ZNF346: variants seen among roughly 807,000 people sequenced by gnomAD.
ZNF346 encodes double-stranded RNA-binding zinc finger protein JAZ.
A neutral mutation model predicts 33.7 loss-of-function variants in ZNF346; 23 were observed. The ratio of observed to expected loss-of-function variants is 0.68; its 90% CI spans 0.49 to 0.97. The LOEUF is 0.97. Among genes scored for constraint, ZNF346 ranks in the 50% least tolerant of loss-of-function variants. The probability of loss-of-function intolerance (pLI) is 0.00; values close to 1 mark genes in which losing one functional copy is unlikely to be tolerated. For synonymous variants in ZNF346, 134 were observed against 142.4 expected, an observed-to-expected ratio of 0.94 and a Z score of 0.42; for missense variants, 340 against 371.1, an observed-to-expected ratio of 0.92 and a Z score of 0.69.
intron 1 of ZNF346, among the ~76,000 whole-genome samples, chr5:177,038,877 T>TC (rs141161224): frequency 0.034 from 241 of 7,188 alleles, 2 homozygotes; most frequent in South Asian, 0.062. Flanking sequence ...TTCTTCTTCT[T>TC]GTGTGTGTGT....
At chr5:177,031,181 A>T (rs1777639238) in intron 1 of ZNF346, among the ~76,000 whole-genome samples, 3 of 152,068 alleles carry the variant, frequency 2.0e-5, no homozygotes, top group Non-Finnish European at 4.4e-5. Context: ...GATTACAGGC[A>T]TGCGCCCCAC....
intron 1 of ZNF346, among the ~76,000 whole-genome samples, chr5:177,029,382 G>A (rs188929151): frequency 3.2e-4 from 49 of 152,286 alleles, no homozygotes; most frequent in Non-Finnish European, 6.0e-4. Context: ...AGACCTGGCC[G>A]TATGTATCTC....
intron 4 of ZNF346, among the ~76,000 whole-genome samples, chr5:177,046,943 A>T (rs941195316): frequency 6.6e-6 from 1 of 152,182 alleles, no homozygotes; most frequent in Non-Finnish European, 1.5e-5. Context: ...CAAGAGAGAA[A>T]TACTGTTAAT....
intron 6 of ZNF346, 43 bp downstream of exon 6, chr5:177,062,194 C>G (rs1340461934): frequency 6.6e-7 from 1 of 1,516,542 alleles, no homozygotes. Context: ...ATAGCAGGAG[C>G]TCAGGACTTC....
chr5:177,049,946 C>T (rs1188396632), intron 4 of ZNF346, among the ~76,000 whole-genome samples: 1 of 151,954 alleles, frequency 6.6e-6, no homozygotes, highest in Non-Finnish European at 1.5e-5. Context: ...AAGTGATTCT[C>T]CTACCTCAGC....
intron 1 of ZNF346, 97 bp downstream of exon 1, chr5:177,023,010 C>G (rs1240387563): frequency 6.9e-6 from 10 of 1,443,508 alleles, no homozygotes; most frequent in Non-Finnish European, 9.2e-6. Context: ...TGGCCCGCCT[C>G]CTTGCGTGCT....
chr5:177,075,080 G>A (rs1011006345), intron 8 of ZNF346, among the ~76,000 whole-genome samples: 17 of 148,880 alleles, frequency 1.1e-4, no homozygotes, highest in African/African-American at 3.7e-4. Flanking sequence ...AAAAAAAAAA[G>A]AATTTTTTTT....
At chr5:177,079,492 C>T (rs4277932) in exon 9 of ZNF346, 19,521 of 152,098 alleles carry the variant, frequency 0.13, 2,946 homozygotes, top group African/African-American at 0.37. Context: ...ACAAATGTGA[C>T]GGCAGCAGCT....
chr5:177,045,159 T>TG (rs1261866752), intron 4 of ZNF346, among the ~76,000 whole-genome samples: 4 of 152,220 alleles, frequency 2.6e-5, no homozygotes, highest in Non-Finnish European at 1.5e-5. Context: ...CCTGACTTTC[T>TG]GGGGTTTTAA....
rs1030543286 is a variant in ZNF346, at chr5:177,077,826, A to C, written c.*3-1556A>C. On this transcript the variant is annotated intron_variant, in intron 8 of 8. Coordinates refer to the ZNF346 transcript ENST00000503039. The surrounding 1 kb of genome is among the most constrained non-coding windows in gnomAD (Gnocchi z 5.0). ...GGAAAAGGGTTTTAATGTCCAGTTT[A>C]GGGTGGCCAGGAGGGATCTGAAAGA... Among the ~76,000 whole-genome samples the C allele has an allele frequency of 3.3e-5, 5 of 152,156 alleles. No homozygotes were observed. Among genetic ancestry groups the C allele is most frequent in the Admixed American group, 6.5e-5 (1 of 15,270 alleles).
intron 1 of ZNF346, among the ~76,000 whole-genome samples, chr5:177,023,586 G>A (rs951620505): frequency 1.3e-5 from 2 of 152,184 alleles, no homozygotes; most frequent in South Asian, 4.1e-4. Context: ...CTCCTGGGCC[G>A]AAGCGCCCCA....
intron 4 of ZNF346, among the ~76,000 whole-genome samples, chr5:177,048,490 G>A (rs1459322541): frequency 5.3e-5 from 8 of 152,108 alleles, no homozygotes; most frequent in East Asian, 1.9e-4. Flanking sequence ...GCATGGTGGC[G>A]TATGCCTGTA....
At chr5:177,037,028 C>CA (rs995885591) in intron 1 of ZNF346, among the ~76,000 whole-genome samples, 2 of 152,068 alleles carry the variant, frequency 1.3e-5, no homozygotes, top group Admixed American at 1.3e-4. Context: ...TTTGCAAGCA[C>CA]AAAATTGCTC....
chr5:177,064,318 C>G (rs1451864653), intron 6 of ZNF346, among the ~76,000 whole-genome samples, 194 bp from the exon 7 acceptor site: 1 of 152,208 alleles, frequency 6.6e-6, no homozygotes, highest in African/African-American at 2.4e-5. Context: ...CTGTTTCTCA[C>G]CTTGCAGAAT....
intron 4 of ZNF346, among the ~76,000 whole-genome samples, chr5:177,048,825 G>A (rs899787613): frequency 5.4e-5 from 7 of 129,332 alleles, no homozygotes; most frequent in Middle Eastern, 5.4e-3. Context: ...CACTCTTTTC[G>A]CTCAGAGTGG....
At chr5:177,028,496 T>TTTTATATATATATATATATATATATA (rs1554142622) in intron 1 of ZNF346, among the ~76,000 whole-genome samples, 2 of 90,540 alleles carry the variant, frequency 2.2e-5, no homozygotes, top group East Asian at 3.0e-4. Context: ...TTGTGACGTT[T>TTTTATATATATATATATATATATATA]TATATATATA....
At chr5:177,057,816 A>ATTTATTTATTTG (rs1781930994) in intron 5 of ZNF346, among the ~76,000 whole-genome samples, 4 of 148,842 alleles carry the variant, frequency 2.7e-5, no homozygotes, top group African/African-American at 9.9e-5. Flanking sequence ...TTATTTATTT[A>ATTTATTTATTTG]TTTATTTATT....
At chr5:177,033,469 C>T (rs1778013288) in intron 1 of ZNF346, among the ~76,000 whole-genome samples, 1 of 152,172 alleles carries the variant, frequency 6.6e-6, no homozygotes, top group Admixed American at 6.5e-5. Context: ...TTTCATCTTC[C>T]TAAGGATCAC....
rs1003921496 is a variant in ZNF346, at chr5:177,067,853, C to T, written c.*3254C>T. On this transcript the variant is annotated 3_prime_UTR_variant, in exon 7 of 7. Transcript: ENST00000358149. Reference sequence around the variant, plus strand: ...GGCAGGGTGGCTCACATCTGTAATCCCAGCACTTTGGGAGGCCAAGGCGGG... The same window carrying T: ...GGCAGGGTGGCTCACATCTGTAATCTCAGCACTTTGGGAGGCCAAGGCGGG... Among the ~76,000 whole-genome samples, 3 of 152,068 alleles carry T rather than the reference C, an allele frequency of 2.0e-5. No individual in the cohort carries two copies. The highest frequency in any genetic ancestry group is 7.2e-5 in the African/African-American group (3 of 41,398).
Sources: gnomAD v4.1 joint callset for allele counts (sites outside exome capture counted in the v4.1 genomes callset) on GRCh38, gnomAD v4.1.1 for gene constraint, Gnocchi (gnomAD v3.1) non-coding constraint, MANE v1.5 for transcripts, NCBI Gene and HGNC (gene_info 2026-07-23, HGNC 2026-07-21) for gene names.